EIF4G3: variants seen among roughly 807,000 people sequenced by gnomAD.
EIF4G3 encodes eIF-4-gamma 3.
Under a neutral mutation model 186.4 loss-of-function variants are expected in EIF4G3, and 34 were observed. That is an observed-to-expected ratio of 0.18 (90% CI 0.14 to 0.24). EIF4G3 has a LOEUF of 0.24. Ranked by LOEUF, EIF4G3 falls within the 10% of genes least tolerant of loss-of-function variation. The probability of loss-of-function intolerance (pLI) is 1.00; values close to 1 mark genes in which losing one functional copy is unlikely to be tolerated. For missense variants in EIF4G3, 1,536 were observed against 1,948.5 expected (o/e 0.79, Z 3.99); for synonymous variants, 673 against 679.5 (o/e 0.99, Z 0.15).
rs771139334 is a variant in EIF4G3, at chr1:20,895,407, T to C, written c.2094A>G (p.Pro698=). The part of the protein sequence containing the change: ...FQFMPACIQK[P]EGLPPISDVV... ...CATCACTGATAGGAGGCAGGCCCTC[T>C]GGTTTTTGTATACAGGCAGGCATGA... The change falls in exon 17 of 37, where the codon CCA becomes CCG. Residue 698 remains proline, a synonymous_variant. Transcript: ENST00000602326. The C allele has an allele frequency of 3.1e-6, 5 of 1,614,100 alleles. No homozygotes were observed. The highest frequency in any genetic ancestry group is 4.2e-6 in the Non-Finnish European group (5 of 1,179,974).
chr1:21,021,073 T>C (rs1244728381), intron 4 of EIF4G3, among the ~76,000 whole-genome samples: 3 of 152,190 alleles, frequency 2.0e-5, no homozygotes, highest in African/African-American at 7.2e-5. Context: ...AACCTTCACC[T>C]CTCAGGTTCA....
intron 3 of EIF4G3, among the ~76,000 whole-genome samples, chr1:21,086,548 C>T (rs551549655): frequency 1.3e-5 from 2 of 152,268 alleles, no homozygotes; most frequent in African/African-American, 4.8e-5. Context: ...GCATCTTCTG[C>T]TTTAAGTGTC....
chr1:20,817,401 G>A lies in EIF4G3; in HGVS notation c.4506C>T (p.Asp1502=). 6.3e-7 allele frequency: 1 copy of A among 1,594,336 alleles called. No individual in the cohort carries two copies. The highest frequency in any genetic ancestry group is 1.1e-5 in the South Asian group (1 of 87,270). The change falls in exon 34 of 37, where the codon GAC becomes GAT. Residue 1502 remains aspartate (D), a synonymous_variant. Coordinates refer to ENST00000602326, the MANE Select transcript of EIF4G3 (RefSeq NM_001391906.1). ...EDKANDEQIF[D]WVEANLDEIQ... is the part of the protein sequence containing the mutation. ...GACATAGTCTTTATACCTCTACCCA[G>A]TCAAAGATCTGTTCATCATTCGCTT... is the stretch of plus-strand genomic sequence containing the variant.
intron 12 of EIF4G3, among the ~76,000 whole-genome samples, chr1:20,956,628 A>AAAC (rs1553342803): frequency 6.6e-6 from 1 of 151,700 alleles, no homozygotes; most frequent in Admixed American, 6.6e-5. Context: ...AAAAAAAAAA[A>AAAC]AAAAAAAAAC....
At chr1:21,120,679 A>G (rs1282520566) in intron 2 of EIF4G3, among the ~76,000 whole-genome samples, 1 of 152,108 alleles carries the variant, frequency 6.6e-6, no homozygotes, top group East Asian at 1.9e-4. Flanking sequence ...TCTTCAGTAA[A>G]TATGTCCTAA....
At chr1:21,118,704 T>C (rs2096872134) in intron 2 of EIF4G3, among the ~76,000 whole-genome samples, 1 of 151,376 alleles carries the variant, frequency 6.6e-6, no homozygotes, top group East Asian at 1.9e-4. Context: ...GAGAATCACT[T>C]GCACTTGGGA....
At chr1:20,929,850 T>C (rs1022033908) in intron 14 of EIF4G3, among the ~76,000 whole-genome samples, 1 of 152,174 alleles carries the variant, frequency 6.6e-6, no homozygotes, top group Non-Finnish European at 1.5e-5. Flanking sequence ...CACTAAATTT[T>C]ACTGCCAGTG....
At chr1:20,928,804 T>C (rs2095116252) in intron 14 of EIF4G3, among the ~76,000 whole-genome samples, 1 of 152,208 alleles carries the variant, frequency 6.6e-6, no homozygotes, top group South Asian at 2.1e-4. Flanking sequence ...ATAACCACAG[T>C]TGTGTGACCA....
intron 6 of EIF4G3, among the ~76,000 whole-genome samples, chr1:21,000,622 A>G (rs2083295985): frequency 6.6e-6 from 1 of 152,128 alleles, no homozygotes; most frequent in Non-Finnish European, 1.5e-5. Context: ...AAAAACAAAA[A>G]AAAACCCCAT....
intron 8 of EIF4G3, among the ~76,000 whole-genome samples, chr1:20,982,119 T>C (rs1013166477): frequency 2.0e-5 from 3 of 152,150 alleles, no homozygotes; most frequent in Non-Finnish European, 4.4e-5. Flanking sequence ...CACAATCCCA[T>C]ACTAAACTGA....
chr1:21,154,635 C>T (rs1309339856), intron 2 of EIF4G3, among the ~76,000 whole-genome samples: 1 of 152,188 alleles, frequency 6.6e-6, no homozygotes, highest in East Asian at 1.9e-4. Flanking sequence ...AACGGTTCAT[C>T]TGAGCATTAT....
intron 2 of EIF4G3, among the ~76,000 whole-genome samples, chr1:21,122,531 C>T (rs937606344): frequency 3.8e-4 from 58 of 152,066 alleles, no homozygotes; most frequent in African/African-American, 1.4e-3. Context: ...AAATTTAAAC[C>T]GGATGCTTTT....
chr1:20,935,409 T>C (rs1237372082), intron 14 of EIF4G3, among the ~76,000 whole-genome samples: 1 of 152,192 alleles, frequency 6.6e-6, no homozygotes, highest in Non-Finnish European at 1.5e-5. Context: ...AATACAGTAA[T>C]AGAAAATGAA....
chr1:20,878,365 T>C (rs1252458083), intron 20 of EIF4G3, among the ~76,000 whole-genome samples: 1 of 152,226 alleles, frequency 6.6e-6, no homozygotes, highest in East Asian at 1.9e-4. Flanking sequence ...GTTTTCTTTT[T>C]CTTCCAACTT....
rs34471464 is a variant in EIF4G3, at chr1:20,817,681, GTTTTTTTTTTTTTT to G, written c.4369-157_4369-144del. ...CAGCAGAGGCTATTTTATGTTTGTA[GTTTTTTTTTTTTTT>G]TTTTTTTTGAGACAGGGTCTTGCTC... On this transcript the variant is annotated intron_variant, in intron 33 of 36. Coordinates refer to ENST00000602326, the MANE Select transcript of EIF4G3 (RefSeq NM_001391906.1). 4.0e-5 allele frequency: 6 copies of G among 149,980 alleles called. No individual in the cohort carries two copies. In the East Asian group the frequency reaches 8.2e-4, roughly 21 times the overall value. The allele number at this position is 149,980 out of a possible 1,614,324, so 9.3% of individuals were successfully genotyped here.
intron 34 of EIF4G3, among the ~76,000 whole-genome samples, chr1:20,813,527 C>A (rs957656730): frequency 1.3e-5 from 2 of 151,508 alleles, no homozygotes; most frequent in Non-Finnish European, 2.9e-5. Context: ...AATGACTGCA[C>A]CACTGCACTC....
chr1:21,166,063 C>A (rs1573666020), intron 2 of EIF4G3, among the ~76,000 whole-genome samples: 1 of 101,294 alleles, frequency 9.9e-6, no homozygotes, highest in African/African-American at 3.2e-5. Context: ...ACCCACTCAT[C>A]ATAATCCACC....
Position 21,119,885 on chromosome 1 carries a change from G to A in EIF4G3, c.-271-30672C>T, listed in dbSNP as rs1200680055. On this transcript the variant is annotated intron_variant, in intron 2 of 36. Coordinates refer to ENST00000602326, the MANE Select transcript of EIF4G3 (RefSeq NM_001391906.1). ...AATTTTCTACACATACACATTTATC[G>A]ATTTAACGACTCTTAAAAACTATTT... Among the ~76,000 whole-genome samples the A allele has an allele frequency of 3.9e-5, 6 of 151,940 alleles. No individual in the cohort carries two copies. In the East Asian group the frequency reaches 9.7e-4, roughly 25 times the overall value.
At chr1:21,176,086 C>T in intron 2 of EIF4G3, 89 bp downstream of exon 2, 2 of 260,974 alleles carry the variant, frequency 7.7e-6, no homozygotes, top group Non-Finnish European at 7.2e-6. Flanking sequence ...TGGGCTGTGG[C>T]GGCCGGCAGG....
Sources: gnomAD v4.1 joint callset for allele counts (sites outside exome capture counted in the v4.1 genomes callset) on GRCh38, gnomAD v4.1.1 for gene constraint, MANE v1.5 for transcripts, NCBI Gene and HGNC (gene_info 2026-07-23, HGNC 2026-07-21) for gene names.